The following KCNIP4 variants were observed in gnomAD, a reference collection of about 807,000 sequenced individuals.
KCNIP4 encodes Kv channel-interacting protein 4.
A neutral mutation model predicts 34.0 loss-of-function variants in KCNIP4; 12 were observed. The ratio of observed to expected loss-of-function variants is 0.35; its 90% confidence interval spans 0.23 to 0.57. The LOEUF is 0.57. Among genes scored for constraint, KCNIP4 ranks in the 20% least tolerant of loss-of-function variants. KCNIP4 has a pLI of 0.83. For missense variants in KCNIP4, 238 were observed against 311.7 expected (o/e 0.76, Z 1.78); for synonymous variants, 124 against 102.2 (o/e 1.21, Z -1.29).
intron 1 of KCNIP4, among the ~76,000 whole-genome samples, chr4:21,690,036 G>C (rs531767642): frequency 1.7e-4 from 25 of 150,784 alleles, no homozygotes; most frequent in South Asian, 6.3e-4. Context: ...ATATTTTGTA[G>C]GGACTTGCTA....
chr4:20,808,841 A>T (rs901902038), intron 3 of KCNIP4, among the ~76,000 whole-genome samples: 10 of 152,164 alleles, frequency 6.6e-5, no homozygotes, highest in African/African-American at 2.2e-4. Context: ...ACTCTCCCCC[A>T]TCTCCACCTC....
intron 5 of KCNIP4, among the ~76,000 whole-genome samples, chr4:20,739,307 T>G (rs2149294614): frequency 6.6e-6 from 1 of 152,124 alleles, no homozygotes; most frequent in Middle Eastern, 3.4e-3. Flanking sequence ...GACCCCCGAG[T>G]AGCATAACTG....
chr4:20,841,284 C>T (rs962171610), intron 3 of KCNIP4, among the ~76,000 whole-genome samples: 10 of 152,146 alleles, frequency 6.6e-5, no homozygotes, highest in Non-Finnish European at 1.3e-4. Context: ...GATTACCTGT[C>T]ATATACTAGA....
chr4:20,818,494 C>T (rs1393692824), intron 3 of KCNIP4, among the ~76,000 whole-genome samples: 1 of 152,172 alleles, frequency 6.6e-6, no homozygotes, highest in Admixed American at 6.5e-5. Context: ...GCTCAGATCT[C>T]ATAATAGTGC....
intron 1 of KCNIP4, among the ~76,000 whole-genome samples, chr4:21,482,170 C>A (rs2109835668): frequency 6.6e-6 from 1 of 152,002 alleles, no homozygotes; most frequent in East Asian, 1.9e-4. Flanking sequence ...CTTGGTAGAT[C>A]TTCCTCCATC....
chr4:21,550,729 G>A (rs1006768507), intron 1 of KCNIP4, among the ~76,000 whole-genome samples: 6 of 152,080 alleles, frequency 3.9e-5, no homozygotes, highest in Non-Finnish European at 5.9e-5. Context: ...GGGAATAGAA[G>A]ATTCCAGGAC....
rs559769303 is a variant in KCNIP4, at chr4:20,847,718, G to A, written c.288+2825C>T. On this transcript the variant is annotated intron_variant, in intron 3 of 8. Transcript: ENST00000382152. The stretch of plus-strand genomic sequence containing the variant: ...GGGATGTATCAGAGATACCATATGG[G>A]AAAAAATTGGTGGAGTTATGCTGGT... Among the ~76,000 whole-genome samples the A allele has an allele frequency of 1.9e-4, 29 of 152,254 alleles. No individual in the cohort carries two copies. The South Asian group carries it at 3.3e-3, about 17-fold the overall frequency.
At chr4:21,222,926 T>C (rs928124966) in intron 1 of KCNIP4, among the ~76,000 whole-genome samples, 1 of 152,198 alleles carries the variant, frequency 6.6e-6, no homozygotes, top group Admixed American at 6.5e-5. Flanking sequence ...GGCATTGTGG[T>C]GCAGTGGTTT....
intron 5 of KCNIP4, among the ~76,000 whole-genome samples, chr4:20,737,525 A>G (rs543313921): frequency 1.3e-5 from 2 of 149,118 alleles, no homozygotes; most frequent in East Asian, 1.9e-4. Flanking sequence ...GGGAGTTGAT[A>G]CATGAGACAG....
At chr4:21,450,826 A>C (rs1331403404) in intron 1 of KCNIP4, among the ~76,000 whole-genome samples, 1 of 152,198 alleles carries the variant, frequency 6.6e-6, no homozygotes, top group Admixed American at 6.5e-5. Context: ...ATACTTTGAA[A>C]AGTTTAATTT....
At chr4:21,671,666 T>TGA (rs1749511313) in intron 1 of KCNIP4, among the ~76,000 whole-genome samples, 1 of 152,178 alleles carries the variant, frequency 6.6e-6, no homozygotes, top group Non-Finnish European at 1.5e-5. Flanking sequence ...GGAGCCCCTA[T>TGA]TCTGAGAACA....
At chr4:20,779,587 C>CAA (rs1378576918) in intron 3 of KCNIP4, among the ~76,000 whole-genome samples, 1 of 127,550 alleles carries the variant, frequency 7.8e-6, no homozygotes, top group Non-Finnish European at 1.7e-5. Context: ...CCCCCCCCCC[C>CAA]CACACAAAAA....
intron 5 of KCNIP4, among the ~76,000 whole-genome samples, chr4:20,744,372 A>G (rs531163140): frequency 9.8e-5 from 15 of 152,324 alleles, no homozygotes; most frequent in Non-Finnish European, 1.3e-4. Flanking sequence ...ATGTCCATCA[A>G]TGATAGACTG....
chr4:21,190,509 G>A (rs529879433), intron 1 of KCNIP4, among the ~76,000 whole-genome samples: 1 of 151,750 alleles, frequency 6.6e-6, no homozygotes, highest in African/African-American at 2.4e-5. Flanking sequence ...GAGTGGGTGG[G>A]GGGGGGCACT....
intron 2 of KCNIP4, among the ~76,000 whole-genome samples, chr4:20,873,951 G>A (rs17632634): frequency 0.16 from 24,247 of 152,094 alleles, 2,141 homozygotes; most frequent in Middle Eastern, 0.2. Flanking sequence ...TTCTTCTCCA[G>A]AGGGCCCTGC....
At chr4:21,045,761 G>T (rs976918652) in intron 1 of KCNIP4, among the ~76,000 whole-genome samples, 3 of 152,134 alleles carry the variant, frequency 2.0e-5, no homozygotes, top group Non-Finnish European at 4.4e-5. Context: ...GGAAAAATAT[G>T]AATACAGCAT....
chr4:21,880,307 G>C lies in KCNIP4; in HGVS notation c.61+68264C>G, dbSNP rs1029938516. ...TTTGTAAGAAAATATAATTATCATGGTAAGCAAATCAGCAGAATTATTGAG... is the reference window on the plus strand; with the variant it reads ...TTTGTAAGAAAATATAATTATCATGCTAAGCAAATCAGCAGAATTATTGAG... On this transcript the variant is annotated intron_variant, in intron 1 of 8. Transcript: ENST00000382152. Among the ~76,000 whole-genome samples the C allele has an allele frequency of 1.2e-4, 19 of 152,176 alleles. No homozygotes were observed. In the East Asian group the frequency reaches 3.7e-3, roughly 29 times the overall value.
chr4:21,563,630 C>G lies in KCNIP4; in HGVS notation c.61+384941G>C, dbSNP rs151224202. Among the ~76,000 whole-genome samples, 334 of 152,122 alleles carry G rather than the reference C, an allele frequency of 2.2e-3. 1 individual carries two copies. Among genetic ancestry groups the G allele is most frequent in the African/African-American group, 7.4e-3 (306 of 41,506 alleles). On this transcript the variant is annotated intron_variant, in intron 1 of 8. Coordinates refer to ENST00000382152, the MANE Select transcript of KCNIP4 (RefSeq NM_025221.6). The stretch of plus-strand genomic sequence containing the variant: ...ATATATAGATAATTTAGAAAAAGTA[C>G]TCAAATATGACAGTAGGAGAGACAC...
chr4:20,796,823 G>T (rs1377415337), intron 3 of KCNIP4, among the ~76,000 whole-genome samples: 1 of 152,164 alleles, frequency 6.6e-6, no homozygotes, highest in Non-Finnish European at 1.5e-5. Flanking sequence ...TCATAGGTTT[G>T]TTACTTGAAT....
Sources: gnomAD v4.1 joint callset for allele counts (sites outside exome capture counted in the v4.1 genomes callset) on GRCh38, gnomAD v4.1.1 for gene constraint, MANE v1.5 for transcripts, NCBI Gene and HGNC (gene_info 2026-07-23, HGNC 2026-07-21) for gene names.